Variants in CRACDL observed in about 807,000 individuals in gnomAD.
The protein encoded by CRACDL is CRACD like.
Under a neutral mutation model 70.6 loss-of-function variants are expected in CRACDL, and 26 were observed. That is an observed-to-expected ratio of 0.37 (90% CI 0.27 to 0.51). The LOEUF is 0.51. Among genes scored for constraint, CRACDL ranks in the 20% least tolerant of loss-of-function variants. CRACDL has a pLI of 0.94. For missense variants in CRACDL, 1,283 were observed against 1,376.9 expected, an observed-to-expected ratio of 0.93 and a Z score of 1.08; for synonymous variants, 618 against 615.2, an observed-to-expected ratio of 1.00 and a Z score of -0.07.
chr2:98,896,030 A>C (rs563482651), intron 1 of CRACDL, among the ~76,000 whole-genome samples: 7 of 152,198 alleles, frequency 4.6e-5, no homozygotes, highest in Non-Finnish European at 1.0e-4. Flanking sequence ...GACTGTGAGC[A>C]AACAATCTCC....
chr2:98,916,513 TA>T (rs904042766), intron 1 of CRACDL, among the ~76,000 whole-genome samples: 19 of 152,052 alleles, frequency 1.2e-4, no homozygotes, highest in African/African-American at 4.4e-4. Context: ...CTGTTTTTTT[TA>T]AAAAATGCTG....
intron 1 of CRACDL, among the ~76,000 whole-genome samples, chr2:98,868,696 C>T (rs1707235490): frequency 6.6e-6 from 1 of 152,140 alleles, no homozygotes. Context: ...TAAACTTTGA[C>T]CTCTGCTGCC....
chr2:98,835,896 C>A (rs1413129263), intron 3 of CRACDL, among the ~76,000 whole-genome samples: 1 of 152,218 alleles, frequency 6.6e-6, no homozygotes, highest in Non-Finnish European at 1.5e-5. Context: ...GGAGGGACGA[C>A]AGTGACACAC....
intron 1 of CRACDL, among the ~76,000 whole-genome samples, chr2:98,893,526 T>C (rs1158647709): frequency 1.3e-5 from 2 of 152,140 alleles, no homozygotes; most frequent in Non-Finnish European, 2.9e-5. Context: ...CCTCGTGATC[T>C]GCCCTCCTCG....
intron 3 of CRACDL, 25 bp from the exon 4 acceptor site, chr2:98,833,022 A>T (rs749364186): frequency 1.9e-6 from 3 of 1,592,204 alleles, no homozygotes; most frequent in Non-Finnish European, 2.6e-6. Flanking sequence ...CCACTGTGAG[A>T]CTCTGCCCAC....
chr2:98,881,761 G>A (rs367555380), intron 1 of CRACDL, among the ~76,000 whole-genome samples: 8 of 152,314 alleles, frequency 5.3e-5, no homozygotes, highest in South Asian at 2.1e-4. Context: ...AGTGTTTTCC[G>A]GGTCTGTGAC....
At chr2:98,883,535 G>A (rs1316379137) in intron 1 of CRACDL, among the ~76,000 whole-genome samples, 1 of 152,192 alleles carries the variant, frequency 6.6e-6, no homozygotes, top group African/African-American at 2.4e-5. Flanking sequence ...AGCTCAGCCT[G>A]GAGTCATGTA....
intron 6 of CRACDL, among the ~76,000 whole-genome samples, chr2:98,826,770 G>A (rs1200406777): frequency 6.6e-6 from 1 of 152,138 alleles, no homozygotes; most frequent in African/African-American, 2.4e-5. Flanking sequence ...TGAATGAATG[G>A]AGCATTTCTG....
chr2:98,887,420 C>T (rs1451486223), intron 1 of CRACDL, among the ~76,000 whole-genome samples: 2 of 151,900 alleles, frequency 1.3e-5, no homozygotes, highest in Non-Finnish European at 2.9e-5. Context: ...CCCTGGAGGT[C>T]AAGGCTGCAA....
intron 7 of CRACDL, among the ~76,000 whole-genome samples, chr2:98,815,132 A>C (rs1469634426): frequency 6.6e-6 from 1 of 152,154 alleles, no homozygotes; most frequent in Admixed American, 6.5e-5. Context: ...TAGTTGCTTT[A>C]AAGTCTTTGT....
intron 7 of CRACDL, chr2:98,809,607 A>C (rs1312391547): frequency 1.3e-5 from 2 of 152,110 alleles, no homozygotes; most frequent in Admixed American, 6.5e-5. Flanking sequence ...AGTGTTTTGC[A>C]AATCCGCTTT....
rs371156943 is a variant in CRACDL, at chr2:98,797,533, C to G, written c.2421G>C (p.Lys807Asn). The change falls in exon 8 of 10, where the codon AAG (lysine) becomes AAC (asparagine). Residue 807 changes from lysine (K) to asparagine (N), a missense_variant. Physicochemically the swap from Lys to Asn is moderately conservative, Grantham distance 94 (BLOSUM62 0). This residue lies in a region of CRACDL where 921 missense variants were observed against 881.9 expected (regional missense o/e 1.04). Coordinates refer to ENST00000397899, the MANE Select transcript of CRACDL (RefSeq NM_207362.3). ...GCCCTGTTGCTGCAGGCGGCAGACT[C>G]TTTTCTGTTGGGTAAAGGCACAAGA... is the stretch of plus-strand genomic sequence containing the variant. ...EKRPLRRGAE[K>N]SLPPAATGPG... 1 of 1,613,528 alleles carries G rather than the reference C, an allele frequency of 6.2e-7. No homozygotes were observed. The highest frequency in any genetic ancestry group is 8.5e-7 in the Non-Finnish European group (1 of 1,180,030).
At chr2:98,918,491 T>A (rs1287123036) in intron 1 of CRACDL, among the ~76,000 whole-genome samples, 3 of 128,186 alleles carry the variant, frequency 2.3e-5, no homozygotes, top group Non-Finnish European at 4.6e-5. Flanking sequence ...TGAGACGAGA[T>A]CACGCCATTG....
At position 98,832,440 on chromosome 2, in the gene CRACDL, C is replaced by A; in HGVS notation, c.448G>T (p.Asp150Tyr). The A allele has an allele frequency of 6.2e-7, 1 of 1,614,096 alleles. No individual in the cohort carries two copies. The highest frequency in any genetic ancestry group is 8.5e-7 in the Non-Finnish European group (1 of 1,179,938). The change falls in exon 5 of 10, where the codon GAT becomes TAT. Residue 150 changes from aspartate (D) to tyrosine (Y), a missense_variant. Around this residue, in one of 2 missense-constraint regions of CRACDL, gnomAD observed 362 missense variants for 495.0 expected, o/e 0.73. Coordinates refer to ENST00000397899, the MANE Select transcript of CRACDL (RefSeq NM_207362.3). ...PGGLPAKRGE[D>Y]AGMSSEDDGL... is the part of the protein sequence containing the mutation. ...TCGTCCTCAGAGCTCATGCCGGCAT[C>A]CTCTCCCCGCTTGGCAGGAAGCCCC...
intron 7 of CRACDL, among the ~76,000 whole-genome samples, chr2:98,804,587 C>T (rs1463991634): frequency 6.6e-6 from 1 of 152,068 alleles, no homozygotes; most frequent in Non-Finnish European, 1.5e-5. Context: ...ACTAGGTTTT[C>T]TTGGTGATTC....
rs941154664 is a variant in CRACDL at position 98,822,133 on chromosome 2, G to A, written c.2140C>T (p.Arg714Trp). The change falls in exon 7 of 10, where the codon CGG becomes TGG. Residue 714 changes from arginine to tryptophan, a missense_variant. This residue lies in a region of CRACDL where 921 missense variants were observed against 881.9 expected (regional missense o/e 1.04). Transcript: ENST00000397899. This position sits in a 1 kb window ranked among gnomAD's most constrained non-coding sequence, Gnocchi z 4.9. ...KGVKRYSAEV[R>W]LERSLTVLPK... ...AGCACGGTCAGCGACCTTTCTAACC[G>A]GACCTCGGCACTGTACCTCTTCACA... 1 of 1,596,828 alleles carries A rather than the reference G, an allele frequency of 6.3e-7. No homozygotes were observed. The highest frequency in any genetic ancestry group is 1.1e-5 in the South Asian group (1 of 88,122).
At chr2:98,888,024 G>C (rs991630416) in intron 1 of CRACDL, among the ~76,000 whole-genome samples, 7 of 152,178 alleles carry the variant, frequency 4.6e-5, no homozygotes, top group African/African-American at 1.7e-4. Flanking sequence ...TAAATGCACT[G>C]TCACTAGATC....
intron 1 of CRACDL, among the ~76,000 whole-genome samples, chr2:98,889,333 A>AAGAC (rs1707900272): frequency 7.1e-6 from 1 of 140,932 alleles, no homozygotes; most frequent in Non-Finnish European, 1.6e-5. Flanking sequence ...GAAAGAAAGA[A>AAGAC]AGAAAGAAAG....
At chr2:98,866,105 G>A (rs1707128496) in intron 1 of CRACDL, among the ~76,000 whole-genome samples, 1 of 152,134 alleles carries the variant, frequency 6.6e-6, no homozygotes, top group African/African-American at 2.4e-5. Flanking sequence ...AGAAAAGAAA[G>A]CAAAGAAATC....
Sources: allele counts gnomAD v4.1 joint callset (sites outside exome capture counted in the v4.1 genomes callset), GRCh38; gene constraint gnomAD v4.1.1; regional missense constraint gnomAD v4.1.1; non-coding constraint Gnocchi (gnomAD v3.1); transcripts MANE v1.5; gene names NCBI Gene and HGNC (gene_info 2026-07-23, HGNC 2026-07-21).